PRDM2: variants seen among roughly 807,000 people sequenced by gnomAD.
PRDM2 encodes PR domain zinc finger protein 2.
A neutral mutation model predicts 130.0 loss-of-function variants in PRDM2; 30 were observed. The ratio of observed to expected loss-of-function variants is 0.23; its 90% CI spans 0.17 to 0.31. The LOEUF (loss-of-function observed/expected upper bound fraction) is 0.31, where lower values mean the gene tolerates loss of function less well. PRDM2 is among the 10% of genes least tolerant of loss of function. The pLI is 1.00. For missense variants in PRDM2, 2,011 were observed against 2,108.4 expected, an observed-to-expected ratio of 0.95 and a Z score of 0.90; for synonymous variants, 871 against 782.4, an observed-to-expected ratio of 1.11 and a Z score of -1.89.
rs901265470 is a variant in PRDM2, at chr1:13,823,283, G to A, written c.*148G>A. ...GGAGTGCATGTGCGCGCGTGCATGT[G>A]TGCGTGCGTGTGTGTTCACGTGTTC... On this transcript the variant is annotated 3_prime_UTR_variant, in exon 10 of 10. Transcript: ENST00000311066. The A allele has an allele frequency of 2.3e-6, 3 of 1,331,778 alleles. No individual in the cohort carries two copies. Among genetic ancestry groups the A allele is most frequent in the Middle Eastern group, 1.8e-4 (1 of 5,524 alleles). The allele number at this position is 1,331,778 out of a possible 1,614,324, so 82.5% of individuals were successfully genotyped here.
chr1:13,719,742 A>G (rs1642661999), intron 2 of PRDM2, among the ~76,000 whole-genome samples: 1 of 151,880 alleles, frequency 6.6e-6, no homozygotes, highest in Admixed American at 6.6e-5. Flanking sequence ...TCATTTCTTA[A>G]CCAAATAATT....
intron 1 of PRDM2, among the ~76,000 whole-genome samples, chr1:13,711,396 C>T (rs569514513): frequency 1.2e-3 from 73 of 62,412 alleles, no homozygotes; most frequent in East Asian, 9.8e-3. Context: ...TATTCTATTG[C>T]AGCTCGTCAC....
Position 13,779,819 on chromosome 1 carries a change from A to C in PRDM2, c.2024A>C (p.Glu675Ala). 6.2e-7 allele frequency: 1 copy of C among 1,614,218 alleles called. No individual in the cohort carries two copies. Among genetic ancestry groups the C allele is most frequent in the South Asian group, 1.1e-5 (1 of 91,082 alleles). ...CTTCCTCTTAGCATATCAACAACAG[A>C]GGCAGTGTCTTTCCACAAAGAGAAA... ...LSLPLSISTT[E>A]AVSFHKEKSV... The change falls in exon 8 of 10, where the codon GAG becomes GCG. Residue 675 changes from glutamate to alanine, a missense_variant. This residue lies in a region of PRDM2 where 1,288 missense variants were observed against 1,237.7 expected (regional missense o/e 1.04). Transcript: ENST00000311066. The surrounding 1 kb of genome is among the most constrained non-coding windows in gnomAD (Gnocchi z 4.9).
At chr1:13,733,619 A>G (rs1177264738) in intron 4 of PRDM2, among the ~76,000 whole-genome samples, 3 of 152,240 alleles carry the variant, frequency 2.0e-5, no homozygotes, top group Non-Finnish European at 4.4e-5. Context: ...TCTGGGCTAG[A>G]AAACCCTCAA....
intron 8 of PRDM2, among the ~76,000 whole-genome samples, chr1:13,791,560 C>G (rs1018538230): frequency 6.6e-6 from 1 of 152,142 alleles, no homozygotes; most frequent in Non-Finnish European, 1.5e-5. Context: ...GGCTGCCTCC[C>G]GACTTCAGCA....
intron 8 of PRDM2, among the ~76,000 whole-genome samples, chr1:13,794,099 A>G (rs1644884518): frequency 6.6e-6 from 1 of 152,236 alleles, no homozygotes; most frequent in Non-Finnish European, 1.5e-5. Context: ...GGCCACTTGC[A>G]TTCCACAGAA....
chr1:13,783,100 C>T (rs1644655727), intron 8 of PRDM2: 1 of 701,664 alleles, frequency 1.4e-6, no homozygotes, highest in Non-Finnish European at 2.3e-6. Context: ...TAGAAAAGCT[C>T]TCAAAAGTAC....
At chr1:13,731,158 G>C in intron 3 of PRDM2, 41 bp downstream of exon 3, 1 of 1,546,182 alleles carries the variant, frequency 6.5e-7, no homozygotes, top group Non-Finnish European at 8.9e-7. Flanking sequence ...AGGCAGTAAA[G>C]AGCAGGTGGC....
In PRDM2 at chr1:13,780,280, G is replaced by A. The variant is rs578232905; in HGVS notation, c.2485G>A (p.Gly829Ser). The change falls in exon 8 of 10, where the codon GGT becomes AGT. Residue 829 changes from glycine (G) to serine (S), a missense_variant. Physicochemically the swap from Gly to Ser is moderately conservative, Grantham distance 56. This residue lies in a region of PRDM2 where 1,288 missense variants were observed against 1,237.7 expected (regional missense o/e 1.04). Transcript: ENST00000311066. ...CNQQPLDLSS[G>S]VKQKAEGTGK... ...CCAGCAGCCACTGGATTTATCCAGC[G>A]GTGTCAAACAGAAGGCTGAGGGTAC... 38 of 1,614,074 alleles carry A rather than the reference G, an allele frequency of 2.4e-5. 1 individual carries two copies. The highest frequency in any genetic ancestry group is 1.3e-4 in the South Asian group (12 of 91,060).
rs533792596 is a variant in PRDM2, at chr1:13,765,077, G to A, written c.512-8001G>A. Among the ~76,000 whole-genome samples the A allele has an allele frequency of 4.8e-4, 73 of 152,274 alleles. 1 individual carries two copies. Among genetic ancestry groups the A allele is most frequent in the African/African-American group, 1.5e-3 (63 of 41,554 alleles). ...TATGGGGCTTGCTTTGCCACTGATC[G>A]CGCCTTGACCAGTTGTAACAGCCAC... On this transcript the variant is annotated intron_variant, in intron 6 of 9. Transcript: ENST00000311066.
chr1:13,784,813 G>A (rs1459199091), intron 8 of PRDM2, among the ~76,000 whole-genome samples: 2 of 152,170 alleles, frequency 1.3e-5, no homozygotes, highest in Non-Finnish European at 2.9e-5. Context: ...ACAGGCATTG[G>A]TGGCAGCTCT....
chr1:13,769,695 G>A (rs1569951698), intron 6 of PRDM2, among the ~76,000 whole-genome samples: 1 of 152,184 alleles, frequency 6.6e-6, no homozygotes, highest in East Asian at 1.9e-4. Flanking sequence ...GATAAACTAA[G>A]TGTGTTGGTA....
rs1217367677 is a variant in PRDM2, at chr1:13,759,704, C to G, written c.511+10217C>G. Among the ~76,000 whole-genome samples, 3 of 152,200 alleles carry G rather than the reference C, an allele frequency of 2.0e-5. No individual in the cohort carries two copies. In the South Asian group the frequency reaches 6.2e-4, roughly 32 times the overall value. On this transcript the variant is annotated intron_variant, in intron 6 of 9. Transcript: ENST00000311066. ...TAGCAGGTTTACGCTGTGGGCAGCA[C>G]CATGATGATAATAGTTGTAGTTTTG...
chr1:13,707,376 A>G (rs750588373), intron 1 of PRDM2, among the ~76,000 whole-genome samples: 9 of 152,240 alleles, frequency 5.9e-5, no homozygotes, highest in Non-Finnish European at 8.8e-5. Context: ...CAGTGGAAAA[A>G]TAGTACACAG....
Position 13,749,475 on chromosome 1 carries a change from A to G in PRDM2, c.499A>G (p.Lys167Glu), listed in dbSNP as rs756390641. The G allele has an allele frequency of 2.1e-6, 3 of 1,458,416 alleles. No individual in the cohort carries two copies. Among genetic ancestry groups the G allele is most frequent in the Non-Finnish European group, 2.8e-6 (3 of 1,088,092 alleles). The allele number at this position is 1,458,416 out of a possible 1,614,324, so 90.3% of individuals were successfully genotyped here. A position where few individuals can be genotyped will look rare whatever the true frequency, so the allele number is the denominator to read the frequency against. The change falls in exon 6 of 10, where the codon AAG (lysine) becomes GAG (glutamate). Residue 167 changes from lysine (K) to glutamate (E), a missense_variant. Coordinates refer to ENST00000311066, the MANE Select transcript of PRDM2 (RefSeq NM_001393986.1). ...ASARSKRSSP[K>E]SRKGKKKSQE... The stretch of plus-strand genomic sequence containing the variant: ...CGCCCGGAGCAAGCGGAGCTCCCCC[A>G]AGAGCCGGAAAGGTAGGAGCCCCCC...
At chr1:13,758,546 T>TA (rs1644018395) in intron 6 of PRDM2, among the ~76,000 whole-genome samples, 1 of 152,124 alleles carries the variant, frequency 6.6e-6, no homozygotes, top group Non-Finnish European at 1.5e-5. Flanking sequence ...ATGCTTTCAA[T>TA]TTTCAAAGGT....
At position 13,781,946 on chromosome 1, in the gene PRDM2, T is replaced by G. The variant is rs756815524; in HGVS notation, c.4151T>G (p.Val1384Gly). ...ACTGTGCAACCCAAAAATGGCGTGG[T>G]GGTTTTAGATAACTCTGGGAAAAAT... Reference protein sequence around the residue: ...KQTVQPKNGVVVLDNSGKNAF... With the variant: ...KQTVQPKNGVGVLDNSGKNAF... The change falls in exon 8 of 10, where the codon GTG becomes GGG. Residue 1384 changes from valine (V) to glycine (G), a missense_variant. This residue lies in a region of PRDM2 where 229 missense variants were observed against 364.1 expected (regional missense o/e 0.63). Transcript: ENST00000311066. The surrounding 1 kb of genome is among the most constrained non-coding windows in gnomAD (Gnocchi z 6.1). 4.3e-6 allele frequency: 7 copies of G among 1,614,202 alleles called. No homozygotes were observed. Among genetic ancestry groups the G allele is most frequent in the Non-Finnish European group, 5.9e-6 (7 of 1,180,036 alleles).
intron 5 of PRDM2, among the ~76,000 whole-genome samples, chr1:13,746,794 C>T (rs1320958367): frequency 1.3e-5 from 2 of 152,152 alleles, no homozygotes; most frequent in Non-Finnish European, 2.9e-5. Context: ...TGCGCTCAAG[C>T]GATTCGCCTG....
chr1:13,736,789 TA>T (rs1643286739), intron 4 of PRDM2, among the ~76,000 whole-genome samples: 1 of 152,160 alleles, frequency 6.6e-6, no homozygotes, highest in South Asian at 2.1e-4. Flanking sequence ...ATTAAATTGT[TA>T]AAAATATCTA....
Sources: allele counts gnomAD v4.1 joint callset (sites outside exome capture counted in the v4.1 genomes callset), GRCh38; gene constraint gnomAD v4.1.1; regional missense constraint gnomAD v4.1.1; non-coding constraint Gnocchi (gnomAD v3.1); transcripts MANE v1.5; gene names NCBI Gene and HGNC (gene_info 2026-07-23, HGNC 2026-07-21).